The following CSMD3 variants were observed in gnomAD, a reference collection of about 807,000 sequenced individuals.
The protein encoded by CSMD3 is CUB and sushi domain-containing protein 3.
Under a neutral mutation model 435.2 loss-of-function variants are expected in CSMD3, and 177 were observed. The ratio of observed to expected loss-of-function variants is 0.41; its 90% CI spans 0.36 to 0.46. The LOEUF (loss-of-function observed/expected upper bound fraction) is 0.46. Among genes scored for constraint, CSMD3 ranks in the 20% least tolerant of loss-of-function variants. The pLI is 0.34. For missense variants in CSMD3, 4,265 were observed against 4,504.6 expected (o/e 0.95, Z 1.52); for synonymous variants, 1,656 against 1,520.5 (o/e 1.09, Z -2.07).
intron 1 of CSMD3, among the ~76,000 whole-genome samples, chr8:113,387,917 C>A (rs957887225): frequency 1.3e-5 from 2 of 151,648 alleles, no homozygotes; most frequent in Non-Finnish European, 3.0e-5. Context: ...ACACCTAATA[C>A]TGTAGTTGAA....
At chr8:113,395,379 G>A (rs1259478396) in intron 1 of CSMD3, among the ~76,000 whole-genome samples, 2 of 151,950 alleles carry the variant, frequency 1.3e-5, no homozygotes, top group African/African-American at 2.4e-5. Flanking sequence ...AGGCTGAGGC[G>A]GGCGGATCAT....
chr8:112,652,663 T>C (rs2075156802), intron 18 of CSMD3, among the ~76,000 whole-genome samples: 1 of 152,136 alleles, frequency 6.6e-6, no homozygotes. Flanking sequence ...TCATAATTGA[T>C]TGACAAGCAA....
intron 6 of CSMD3, among the ~76,000 whole-genome samples, chr8:112,990,745 C>G (rs2085426422): frequency 6.6e-6 from 1 of 151,710 alleles, no homozygotes. Context: ...AAGTAGAGAG[C>G]ATATTATGAG....
intron 53 of CSMD3, among the ~76,000 whole-genome samples, chr8:112,296,504 C>G (rs1437447738): frequency 6.6e-6 from 1 of 151,012 alleles, no homozygotes; most frequent in Non-Finnish European, 1.5e-5. Context: ...GAGCGCAGAT[C>G]GCGCCACCGC....
At chr8:112,854,750 CAG>C (rs2080597701) in intron 11 of CSMD3, among the ~76,000 whole-genome samples, 1 of 152,160 alleles carries the variant, frequency 6.6e-6, no homozygotes, top group Non-Finnish European at 1.5e-5. Flanking sequence ...CCCGAGTTTT[CAG>C]AGTCATTTCT....
chr8:113,395,110 C>T (rs1309447208), intron 1 of CSMD3, among the ~76,000 whole-genome samples: 1 of 151,980 alleles, frequency 6.6e-6, no homozygotes, highest in African/African-American at 2.4e-5. Context: ...ATCATTATGG[C>T]TTATGCAAAT....
intron 5 of CSMD3, among the ~76,000 whole-genome samples, chr8:113,036,992 T>C (rs893990562): frequency 6.6e-6 from 1 of 152,148 alleles, no homozygotes; most frequent in African/African-American, 2.4e-5. Flanking sequence ...CTATTTGCTA[T>C]GGACTGCATA....
intron 32 of CSMD3, among the ~76,000 whole-genome samples, chr8:112,458,836 C>A (rs1260586838): frequency 9.2e-5 from 14 of 152,092 alleles, no homozygotes; most frequent in Non-Finnish European, 2.1e-4. Context: ...GTCTAGACAT[C>A]AGGAAGGGCT....
At chr8:112,989,644 G>C (rs770477641) in intron 6 of CSMD3, among the ~76,000 whole-genome samples, 3 of 151,984 alleles carry the variant, frequency 2.0e-5, no homozygotes, top group Non-Finnish European at 4.4e-5. Flanking sequence ...AGGTAGAGTA[G>C]GTGTGACCCT....
At chr8:113,299,250 A>G (rs2093745239) in intron 2 of CSMD3, among the ~76,000 whole-genome samples, 1 of 152,174 alleles carries the variant, frequency 6.6e-6, no homozygotes, top group Non-Finnish European at 1.5e-5. Flanking sequence ...TTAATGTAGA[A>G]TATTTAATAA....
At chr8:112,774,976 A>T (rs1381636219) in intron 13 of CSMD3, among the ~76,000 whole-genome samples, 1 of 151,908 alleles carries the variant, frequency 6.6e-6, no homozygotes, top group African/African-American at 2.4e-5. Context: ...CTTCAGAAAT[A>T]ATAAGTACTT....
chr8:112,567,871 AG>A (rs1006508297), intron 24 of CSMD3, among the ~76,000 whole-genome samples: 6 of 152,166 alleles, frequency 3.9e-5, no homozygotes, highest in African/African-American at 1.4e-4. Flanking sequence ...TCAGAAGAAC[AG>A]GTATGCCTTT....
intron 32 of CSMD3, among the ~76,000 whole-genome samples, chr8:112,445,351 A>C (rs1301958582): frequency 1.3e-5 from 2 of 152,168 alleles, no homozygotes; most frequent in Admixed American, 1.3e-4. Flanking sequence ...ATTTATAAAG[A>C]AAATAGATTC....
intron 9 of CSMD3, among the ~76,000 whole-genome samples, chr8:112,946,237 C>A (rs544903170): frequency 6.6e-6 from 1 of 151,700 alleles, no homozygotes; most frequent in Non-Finnish European, 1.5e-5. Flanking sequence ...TTGTCAAAAG[C>A]TGTATGGTTA....
At chr8:112,659,312 G>A (rs2075325715) in intron 17 of CSMD3, among the ~76,000 whole-genome samples, 3 of 152,104 alleles carry the variant, frequency 2.0e-5, no homozygotes, top group Admixed American at 2.0e-4. Flanking sequence ...TAAAATAGTT[G>A]TATAAATTTC....
intron 5 of CSMD3, among the ~76,000 whole-genome samples, chr8:113,068,225 T>G (rs774646925): frequency 6.6e-6 from 1 of 152,162 alleles, no homozygotes; most frequent in South Asian, 2.1e-4. Context: ...GAATTCTCGA[T>G]GACAAACAGC....
chr8:113,251,665 C>T (rs868728769), intron 3 of CSMD3, among the ~76,000 whole-genome samples: 1 of 151,948 alleles, frequency 6.6e-6, no homozygotes, highest in Middle Eastern at 3.4e-3. Flanking sequence ...AAATACTTCC[C>T]TTATAGAAAT....
intron 13 of CSMD3, among the ~76,000 whole-genome samples, chr8:112,713,357 AAAAT>A (rs71309785): frequency 0.17 from 24,416 of 146,642 alleles, 2,219 homozygotes; most frequent in Middle Eastern, 0.33. Flanking sequence ...ACAAGATTAG[AAAAT>A]AAATAAATAA....
At chr8:113,048,661 T>C (rs1388984499) in intron 5 of CSMD3, among the ~76,000 whole-genome samples, 1 of 152,198 alleles carries the variant, frequency 6.6e-6, no homozygotes, top group Non-Finnish European at 1.5e-5. Flanking sequence ...TGCATAATGA[T>C]TTTGCGTGTC....
Sources: allele counts gnomAD v4.1 joint callset (sites outside exome capture counted in the v4.1 genomes callset), GRCh38; gene constraint gnomAD v4.1.1; transcripts MANE v1.5; gene names NCBI Gene and HGNC (gene_info 2026-07-23, HGNC 2026-07-21).